Variants in DGKG observed in about 807,000 individuals in gnomAD.
DGKG encodes diacylglycerol kinase gamma, also known as DAG kinase gamma.
In DGKG, 78 loss-of-function variants were observed where a neutral mutation model predicts 105.3. The observed-to-expected ratio is 0.74, with a 90% confidence interval of 0.62 to 0.89. The LOEUF is 0.89. Ranked by LOEUF, DGKG falls within the 40% of genes least tolerant of loss-of-function variation. The pLI is 0.00. For synonymous variants in DGKG, 346 were observed against 367.1 expected (o/e 0.94, Z 0.66); for missense variants, 958 against 1,020.1 (o/e 0.94, Z 0.83).
intron 20 of DGKG, among the ~76,000 whole-genome samples, chr3:186,237,678 GTGC>G (rs1720482785): frequency 6.6e-6 from 1 of 152,206 alleles, no homozygotes; most frequent in Non-Finnish European, 1.5e-5. Flanking sequence ...GTATACATCA[GTGC>G]TTGCTCAATG....
At chr3:186,303,787 C>T (rs533995716) in intron 3 of DGKG, among the ~76,000 whole-genome samples, 1 of 152,308 alleles carries the variant, frequency 6.6e-6, no homozygotes. Context: ...TTCATCACGG[C>T]CAGATGCAGC....
In DGKG at chr3:186,279,871, G is replaced by A. The variant is rs973327725; in HGVS notation, c.772C>T (p.Leu258Phe). The A allele has an allele frequency of 5.0e-6, 8 of 1,613,708 alleles. No homozygotes were observed. In the African/African-American group the frequency reaches 9.3e-5, roughly 19 times the overall value. Reference protein sequence around the residue: ...GGMTTIPLLVLLGMDDSGSKG... With the variant: ...GGMTTIPLLVFLGMDDSGSKG... ...CTTACAGAGTCATCCATCCCCAGGAGGACCAGCAATGGGATGGTGGTCATC... is the reference window on the plus strand; with the variant it reads ...CTTACAGAGTCATCCATCCCCAGGAAGACCAGCAATGGGATGGTGGTCATC... The change falls in exon 9 of 25, where the codon CTC (leucine) becomes TTC (phenylalanine). Residue 258 changes from leucine to phenylalanine, a missense_variant. This residue lies in a region of DGKG where 643 missense variants were observed against 619.5 expected (regional missense o/e 1.04). Transcript: ENST00000265022.
At chr3:186,300,413 C>G (rs539607083) in intron 3 of DGKG, among the ~76,000 whole-genome samples, 10 of 152,150 alleles carry the variant, frequency 6.6e-5, no homozygotes, top group Non-Finnish European at 4.4e-5. Context: ...AGGTCACAGA[C>G]GTGATCATCT....
At chr3:186,165,721 C>G (rs1716510337) in intron 22 of DGKG, among the ~76,000 whole-genome samples, 3 of 152,254 alleles carry the variant, frequency 2.0e-5, no homozygotes, top group African/African-American at 7.2e-5. Flanking sequence ...GCTTCTCATT[C>G]ACAACCTAGA....
chr3:186,173,733 G>C lies in DGKG; in HGVS notation c.2096-8715C>G, dbSNP rs562617478. Among the ~76,000 whole-genome samples the C allele has an allele frequency of 6.6e-5, 10 of 152,360 alleles. No homozygotes were observed. The South Asian group carries it at 1.9e-3, about 28-fold the overall frequency. On this transcript the variant is annotated intron_variant, in intron 22 of 24. Transcript: ENST00000265022. ...CTTCAAAGTGCAGCTCAAAGGCAATGTAGCCTGAAAAAAGCCTAGGGGTGG... is the reference window on the plus strand; with the variant it reads ...CTTCAAAGTGCAGCTCAAAGGCAATCTAGCCTGAAAAAAGCCTAGGGGTGG...
At chr3:186,289,988 C>T (rs920689831) in intron 5 of DGKG, among the ~76,000 whole-genome samples, 6 of 152,114 alleles carry the variant, frequency 3.9e-5, no homozygotes, top group African/African-American at 1.4e-4. Context: ...AGGGAGTTAA[C>T]CATCATCCAG....
At chr3:186,153,938 C>G (rs958287286) in intron 24 of DGKG, among the ~76,000 whole-genome samples, 7 of 152,086 alleles carry the variant, frequency 4.6e-5, no homozygotes, top group African/African-American at 1.7e-4. Context: ...AACTTCGTCT[C>G]TACAAAAAAT....
At chr3:186,246,319 A>C (rs1315824138) in intron 19 of DGKG, among the ~76,000 whole-genome samples, 1 of 152,236 alleles carries the variant, frequency 6.6e-6, no homozygotes, top group Non-Finnish European at 1.5e-5. Flanking sequence ...TAAGCCTTGA[A>C]TATTATCATC....
chr3:186,183,679 GTCTT>G (rs1431774150), intron 22 of DGKG, among the ~76,000 whole-genome samples: 3 of 151,710 alleles, frequency 2.0e-5, no homozygotes, highest in Admixed American at 6.6e-5. Context: ...AGGAGCTCTA[GTCTT>G]TCTTTTTTTT....
intron 20 of DGKG, among the ~76,000 whole-genome samples, chr3:186,218,200 C>T (rs1303657616): frequency 6.6e-6 from 1 of 152,030 alleles, no homozygotes; most frequent in Non-Finnish European, 1.5e-5. Flanking sequence ...TCAGATTCCT[C>T]ATCTTAAAAA....
rs1414914576 is a variant in DGKG at position 186,226,146 on chromosome 3, C to T, written c.1827-14261G>A. 6.6e-6 allele frequency among the ~76,000 whole-genome samples: 1 copy of T among 152,166 alleles called. No homozygotes were observed. The highest frequency in any genetic ancestry group is 2.4e-5 in the African/African-American group (1 of 41,430). On this transcript the variant is annotated intron_variant, in intron 20 of 24. Transcript: ENST00000265022. This position sits in a 1 kb window ranked among gnomAD's most constrained non-coding sequence, Gnocchi z 4.2. ...AAAAGTAGCCTAAGCTCACATTTAC[C>T]TTTTCCCTGAACTCACCACTTTGTA...
intron 2 of DGKG, among the ~76,000 whole-genome samples, chr3:186,308,815 G>A (rs1724380423): frequency 6.6e-6 from 1 of 152,178 alleles, no homozygotes; most frequent in Non-Finnish European, 1.5e-5. Context: ...ATGGACTAGT[G>A]GGAAAGATGA....
chr3:186,342,495 G>C (rs568486457), intron 1 of DGKG, among the ~76,000 whole-genome samples: 2 of 152,112 alleles, frequency 1.3e-5, no homozygotes, highest in Admixed American at 1.3e-4. Flanking sequence ...CATTTCCCTT[G>C]TTGACATGGA....
chr3:186,156,662 CT>C (rs531654312), intron 24 of DGKG, among the ~76,000 whole-genome samples: 77 of 145,134 alleles, frequency 5.3e-4, no homozygotes, highest in South Asian at 1.3e-3. Flanking sequence ...TGTTCAAATC[CT>C]TTTTTTTTTT....
intron 1 of DGKG, among the ~76,000 whole-genome samples, chr3:186,355,484 C>T (rs28727353): frequency 1.3e-5 from 2 of 149,236 alleles, no homozygotes; most frequent in Non-Finnish European, 2.9e-5. Flanking sequence ...ACAACCACTA[C>T]CATCACCACT....
intron 22 of DGKG, among the ~76,000 whole-genome samples, chr3:186,184,127 T>C (rs1279198279): frequency 6.6e-6 from 1 of 152,172 alleles, no homozygotes; most frequent in Non-Finnish European, 1.5e-5. Context: ...ACTTTTTTTT[T>C]TTTTAGGTTT....
chr3:186,341,166 G>C (rs1402273326), intron 1 of DGKG, among the ~76,000 whole-genome samples: 2 of 152,244 alleles, frequency 1.3e-5, no homozygotes, highest in East Asian at 3.8e-4. Flanking sequence ...TGTTGTCATT[G>C]TTCTTTCTGC....
chr3:186,194,273 C>G (rs926987808), intron 21 of DGKG, among the ~76,000 whole-genome samples: 2 of 152,218 alleles, frequency 1.3e-5, no homozygotes, highest in African/African-American at 4.8e-5. Flanking sequence ...CCTCTGCACC[C>G]CCGCCCTTGA....
chr3:186,258,161 G>A (rs1201653563), intron 16 of DGKG, among the ~76,000 whole-genome samples: 1 of 152,170 alleles, frequency 6.6e-6, no homozygotes, highest in Admixed American at 6.5e-5. Flanking sequence ...AGGATAATCT[G>A]ACTCAACATT....
Sources: gnomAD v4.1 joint callset for allele counts (sites outside exome capture counted in the v4.1 genomes callset) on GRCh38, gnomAD v4.1.1 for gene constraint, gnomAD v4.1.1 regional missense constraint, Gnocchi (gnomAD v3.1) non-coding constraint, MANE v1.5 for transcripts, NCBI Gene and HGNC (gene_info 2026-07-23, HGNC 2026-07-21) for gene names.